CCDC178: variants seen among roughly 807,000 people sequenced by gnomAD.
CCDC178 encodes the protein coiled-coil domain containing 178, also known as coiled-coil domain-containing protein 178.
Under a neutral mutation model 117.4 loss-of-function variants are expected in CCDC178, and 126 were observed. The observed-to-expected ratio is 1.07, with a 90% CI of 0.93 to 1.24. The LOEUF is 1.24. CCDC178 is among the 50% of genes most tolerant of loss of function. CCDC178 has a pLI of 0.00. For missense variants in CCDC178, 1,030 were observed against 986.9 expected (o/e 1.04, Z -0.59); for synonymous variants, 283 against 313.4 (o/e 0.90, Z 1.02).
intron 5 of CCDC178, among the ~76,000 whole-genome samples, chr18:33,375,841 C>T (rs768655463): frequency 5.9e-5 from 9 of 152,050 alleles, no homozygotes; most frequent in Non-Finnish European, 1.0e-4. Flanking sequence ...TGTACTGGTC[C>T]ACAGCAACTT....
intron 21 of CCDC178, among the ~76,000 whole-genome samples, chr18:33,076,578 C>T (rs1220822383): frequency 6.6e-6 from 1 of 152,200 alleles, no homozygotes; most frequent in Non-Finnish European, 1.5e-5. Context: ...CAGCACTCCA[C>T]ACTTTGTGTG....
chr18:33,071,306 C>T (rs2057104668), intron 21 of CCDC178, among the ~76,000 whole-genome samples: 1 of 151,976 alleles, frequency 6.6e-6, no homozygotes, highest in Admixed American at 6.6e-5. Flanking sequence ...GGAAAATTAG[C>T]TGTCTGCATT....
intron 12 of CCDC178, among the ~76,000 whole-genome samples, chr18:33,285,815 T>A (rs1349620501): frequency 2.0e-5 from 3 of 152,132 alleles, no homozygotes; most frequent in Non-Finnish European, 4.4e-5. Context: ...CATTAGTATA[T>A]ATTTGAAATC....
chr18:32,967,102 C>A (rs1350809808), intron 22 of CCDC178, among the ~76,000 whole-genome samples: 3 of 151,698 alleles, frequency 2.0e-5, no homozygotes, highest in Non-Finnish European at 4.4e-5. Flanking sequence ...TTATTGTTAG[C>A]AAATGCTTCT....
chr18:33,053,426 G>C (rs947674172), intron 21 of CCDC178, among the ~76,000 whole-genome samples: 2 of 152,140 alleles, frequency 1.3e-5, no homozygotes, highest in African/African-American at 4.8e-5. Flanking sequence ...TTGAAATGGT[G>C]GACGGACATA....
chr18:33,108,221 A>G (rs985225695), intron 20 of CCDC178, among the ~76,000 whole-genome samples: 1 of 151,736 alleles, frequency 6.6e-6, no homozygotes, highest in Non-Finnish European at 1.5e-5. Context: ...ATGCTTTCAA[A>G]CATATCTATG....
intron 8 of CCDC178, among the ~76,000 whole-genome samples, chr18:33,347,573 T>C (rs1284878498): frequency 1.3e-5 from 2 of 152,160 alleles, no homozygotes; most frequent in African/African-American, 4.8e-5. Flanking sequence ...TTGGATACTT[T>C]AAAATTAATT....
intron 12 of CCDC178, among the ~76,000 whole-genome samples, chr18:33,284,076 T>C (rs1446583252): frequency 6.6e-6 from 1 of 152,150 alleles, no homozygotes; most frequent in Non-Finnish European, 1.5e-5. Context: ...CATGTAGCCA[T>C]AAAAAGAACA....
At chr18:33,315,948 C>T (rs9948694) in intron 11 of CCDC178, among the ~76,000 whole-genome samples, 51 of 152,326 alleles carry the variant, frequency 3.3e-4, no homozygotes, top group African/African-American at 1.2e-3. Flanking sequence ...TGTAGCAGAG[C>T]ACATCTCCCA....
chr18:32,977,522 A>G (rs1246467948), intron 21 of CCDC178, among the ~76,000 whole-genome samples: 1 of 152,184 alleles, frequency 6.6e-6, no homozygotes, highest in Non-Finnish European at 1.5e-5. Flanking sequence ...GTTCGTTGTA[A>G]TTTGGAATTT....
chr18:32,988,003 G>A (rs915224455), intron 21 of CCDC178, among the ~76,000 whole-genome samples: 3 of 151,630 alleles, frequency 2.0e-5, no homozygotes, highest in Non-Finnish European at 4.4e-5. Context: ...CTTGAACCTG[G>A]GAGGCAGAGG....
Position 33,127,200 on chromosome 18 carries a change from T to C in CCDC178, c.2239-34290A>G, listed in dbSNP as rs562796053. 3.9e-5 allele frequency among the ~76,000 whole-genome samples: 6 copies of C among 152,192 alleles called. No homozygotes were observed. In the South Asian group the frequency reaches 1.2e-3, roughly 32 times the overall value. On this transcript the variant is annotated intron_variant, in intron 20 of 22. Transcript: ENST00000383096. ...TTCAGTTATTTAAAAATATAAACTTTCTGATATTTATTCATTTGAATGTAT... is the reference window on the plus strand; with the variant it reads ...TTCAGTTATTTAAAAATATAAACTTCCTGATATTTATTCATTTGAATGTAT...
At chr18:33,377,512 T>A (rs1441689281) in intron 5 of CCDC178, among the ~76,000 whole-genome samples, 3 of 152,204 alleles carry the variant, frequency 2.0e-5, no homozygotes, top group Non-Finnish European at 1.5e-5. Flanking sequence ...TCACAAATTC[T>A]CTCCCAAGAC....
intron 2 of CCDC178, among the ~76,000 whole-genome samples, chr18:33,415,589 C>G (rs1304827163): frequency 6.6e-6 from 1 of 151,948 alleles, no homozygotes; most frequent in African/African-American, 2.4e-5. Context: ...GGAGATATAC[C>G]TAATGTAAAT....
intron 14 of CCDC178, among the ~76,000 whole-genome samples, chr18:33,251,778 T>C (rs1417629919): frequency 6.6e-6 from 1 of 151,682 alleles, no homozygotes; most frequent in Non-Finnish European, 1.5e-5. Context: ...CTATAACCTC[T>C]AGGGCCCACC....
At chr18:33,048,610 A>T (rs1254904597) in intron 21 of CCDC178, among the ~76,000 whole-genome samples, 1 of 152,102 alleles carries the variant, frequency 6.6e-6, no homozygotes, top group Non-Finnish European at 1.5e-5. Flanking sequence ...TTTCTGGAGG[A>T]TTTACAGAAA....
chr18:33,346,147 A>G (rs2144677822), intron 9 of CCDC178, 64 bp downstream of exon 9: 2 of 1,252,614 alleles, frequency 1.6e-6, no homozygotes, highest in African/African-American at 1.5e-5. Flanking sequence ...AAATATACAG[A>G]CCTGTAATTA....
chr18:33,035,844 C>G (rs1352214036), intron 21 of CCDC178, among the ~76,000 whole-genome samples: 1 of 151,672 alleles, frequency 6.6e-6, no homozygotes. Flanking sequence ...TGGTTTGGAT[C>G]ACAATCTGGG....
chr18:33,001,767 T>C (rs1303753620), intron 21 of CCDC178, among the ~76,000 whole-genome samples: 1 of 151,968 alleles, frequency 6.6e-6, no homozygotes, highest in Non-Finnish European at 1.5e-5. Flanking sequence ...AGACCCAGCA[T>C]AGAGTGTCTG....
Sources: allele counts gnomAD v4.1 joint callset (sites outside exome capture counted in the v4.1 genomes callset), GRCh38; gene constraint gnomAD v4.1.1; transcripts MANE v1.5; gene names NCBI Gene and HGNC (gene_info 2026-07-23, HGNC 2026-07-21).